SAMD12: variants seen among roughly 807,000 people sequenced by gnomAD.
SAMD12 encodes the protein sterile alpha motif domain-containing protein 12.
Under a neutral mutation model 15.0 loss-of-function variants are expected in SAMD12, and 9 were observed. That is an observed-to-expected ratio of 0.60 (90% confidence interval 0.36 to 1.05). SAMD12 has a LOEUF of 1.05. Ranked by LOEUF, SAMD12 falls within the 50% of genes least tolerant of loss-of-function variation. SAMD12 has a pLI of 0.01. For missense variants in SAMD12, 230 were observed against 234.2 expected, an observed-to-expected ratio of 0.98 and a Z score of 0.12; for synonymous variants, 86 against 90.1, an observed-to-expected ratio of 0.96 and a Z score of 0.25.
the SAMD12 span, among the ~76,000 whole-genome samples, chr8:118,155,399 C>T: frequency 6.6e-6 from 1 of 152,152 alleles, no homozygotes; most frequent in Non-Finnish European, 1.5e-5. Flanking sequence ...GTTTATAATA[C>T]AGTATCTTAA....
At chr8:118,549,356 C>T (rs1281816148) in intron 2 of SAMD12, among the ~76,000 whole-genome samples, 3 of 152,222 alleles carry the variant, frequency 2.0e-5, no homozygotes, top group African/African-American at 4.8e-5. Flanking sequence ...TATCAGACAG[C>T]AGCATTCGTG....
At chr8:118,525,335 G>A (rs540763833) in intron 2 of SAMD12, among the ~76,000 whole-genome samples, 35 of 152,106 alleles carry the variant, frequency 2.3e-4, no homozygotes, top group Middle Eastern at 3.4e-3. Context: ...CCCCATACAC[G>A]TTTTTCCTCT....
chr8:118,481,119 T>A (rs1451134695), intron 2 of SAMD12, among the ~76,000 whole-genome samples: 3 of 151,972 alleles, frequency 2.0e-5, no homozygotes, highest in African/African-American at 4.8e-5. Flanking sequence ...ATTTTTTTTT[T>A]ATTTTTTATT....
chr8:118,184,934 T>C (rs887142784), downstream of SAMD12, among the ~76,000 whole-genome samples: 6 of 152,110 alleles, frequency 3.9e-5, no homozygotes, highest in African/African-American at 1.2e-4. Flanking sequence ...TTTGAAAGAC[T>C]TCTTTTTTCC....
downstream of SAMD12, among the ~76,000 whole-genome samples, chr8:118,185,922 T>C (rs780944765): frequency 1.3e-5 from 2 of 152,188 alleles, no homozygotes; most frequent in Non-Finnish European, 2.9e-5. Context: ...ACTTCTTTCC[T>C]GAGGGTCTGC....
At chr8:118,332,721 C>T (rs891109598) in intron 4 of SAMD12, among the ~76,000 whole-genome samples, 1 of 152,206 alleles carries the variant, frequency 6.6e-6, no homozygotes, top group Non-Finnish European at 1.5e-5. Context: ...ACTGGAGTAA[C>T]ATATGCTTTT....
chr8:118,153,421 G>GT, the SAMD12 span, among the ~76,000 whole-genome samples: 2 of 152,154 alleles, frequency 1.3e-5, no homozygotes, highest in African/African-American at 2.4e-5. Context: ...AGTACACTCT[G>GT]TTTTTTGTGA....
chr8:118,439,814 G>T lies in SAMD12; in HGVS notation c.322+18C>A, dbSNP rs1381875293. On this transcript the variant is annotated intron_variant, in intron 3 of 3. Transcript: ENST00000314727. Reference sequence around the variant, plus strand: ...AGAAAGAAAAGGAGTGAAATATCTGGGATACTGCATACTTTACCAGTTATG... The same window carrying T: ...AGAAAGAAAAGGAGTGAAATATCTGTGATACTGCATACTTTACCAGTTATG... The T allele has an allele frequency of 9.9e-6, 16 of 1,610,072 alleles. No homozygotes were observed. The highest frequency in any genetic ancestry group is 1.4e-5 in the Non-Finnish European group (16 of 1,176,722).
At chr8:118,215,628 C>T (rs1350621572) in intron 4 of SAMD12, among the ~76,000 whole-genome samples, 1 of 151,402 alleles carries the variant, frequency 6.6e-6, no homozygotes, top group Non-Finnish European at 1.5e-5. Context: ...CCCCACCCCA[C>T]CACAGTCCCC....
intron 4 of SAMD12, among the ~76,000 whole-genome samples, chr8:118,240,803 T>G (rs1470576859): frequency 6.6e-6 from 1 of 152,164 alleles, no homozygotes; most frequent in African/African-American, 2.4e-5. Context: ...ACACAGGTCT[T>G]GCTTGAGATT....
chr8:118,620,870 G>A (rs772264048), intron 1 of SAMD12: 1 of 152,240 alleles, frequency 6.6e-6, no homozygotes, highest in African/African-American at 2.4e-5. Flanking sequence ...AAATTCTGCA[G>A]GTGAATGTAG....
chr8:118,135,238 G>A, the SAMD12 span, among the ~76,000 whole-genome samples: 1 of 152,280 alleles, frequency 6.6e-6, no homozygotes, highest in East Asian at 1.9e-4. Flanking sequence ...CTAGAGTGCA[G>A]TGGCACTATC....
At chr8:118,553,053 C>T (rs1199139282) in intron 2 of SAMD12, among the ~76,000 whole-genome samples, 2 of 152,022 alleles carry the variant, frequency 1.3e-5, no homozygotes, top group South Asian at 2.1e-4. Flanking sequence ...AATGGAAGAA[C>T]ATTCCATGCT....
chr8:118,481,851 A>C (rs933579302), intron 2 of SAMD12, among the ~76,000 whole-genome samples: 2 of 152,236 alleles, frequency 1.3e-5, no homozygotes, highest in African/African-American at 4.8e-5. Context: ...GCTTCCATAG[A>C]GGAAGTGAGA....
Position 118,422,908 on chromosome 8 carries a change from C to T in SAMD12, c.322+16924G>A, listed in dbSNP as rs147233186. Among the ~76,000 whole-genome samples, 237 of 152,222 alleles carry T rather than the reference C, an allele frequency of 1.6e-3. 2 individuals carry two copies. The highest frequency in any genetic ancestry group is 5.5e-3 in the African/African-American group (229 of 41,526). ...ACTGTGGTGTGGGAGGAGCAAGGGA[C>T]GGTAGGCAAGGAGAAGACCACAGTT... On this transcript the variant is annotated intron_variant, in intron 3 of 3. Transcript: ENST00000314727.
At chr8:118,315,051 C>G (rs1328262667) in intron 4 of SAMD12, among the ~76,000 whole-genome samples, 2 of 152,164 alleles carry the variant, frequency 1.3e-5, no homozygotes, top group African/African-American at 4.8e-5. Context: ...CCTACTCATA[C>G]TTAGTTGATA....
chr8:118,430,005 C>T (rs1222045801), intron 3 of SAMD12, among the ~76,000 whole-genome samples: 1 of 152,138 alleles, frequency 6.6e-6, no homozygotes, highest in African/African-American at 2.4e-5. Context: ...CCTGTACGTT[C>T]ACCATAAATG....
chr8:118,581,677 CT>C (rs369606223), intron 1 of SAMD12, among the ~76,000 whole-genome samples: 10 of 152,248 alleles, frequency 6.6e-5, no homozygotes, highest in African/African-American at 2.4e-4. Context: ...CTGAGCCCCC[CT>C]ATGTACCCTG....
chr8:118,291,619 A>G (rs1200706112), intron 4 of SAMD12, among the ~76,000 whole-genome samples: 1 of 152,072 alleles, frequency 6.6e-6, no homozygotes, highest in Non-Finnish European at 1.5e-5. Context: ...TCTGAAGGGA[A>G]ATATTTACTA....
Sources: gnomAD v4.1 joint callset for allele counts (sites outside exome capture counted in the v4.1 genomes callset) on GRCh38, gnomAD v4.1.1 for gene constraint, MANE v1.5 for transcripts, NCBI Gene and HGNC (gene_info 2026-07-23, HGNC 2026-07-21) for gene names.